ZFHX3: variants seen among roughly 807,000 people sequenced by gnomAD.
The protein encoded by ZFHX3 is zinc finger homeobox 3.
ZFHX3 carries 42 observed loss-of-function variants against 279.1 expected under a neutral mutation model. That is an observed-to-expected ratio of 0.15 (90% confidence interval 0.12 to 0.19). ZFHX3 has a LOEUF of 0.19. Among genes scored for constraint, ZFHX3 ranks in the 10% least tolerant of loss-of-function variants. The probability of loss-of-function intolerance (pLI) is 1.00; values close to 1 mark genes in which losing one functional copy is unlikely to be tolerated. For missense variants in ZFHX3, 4,981 were observed against 4,754.0 expected, an observed-to-expected ratio of 1.05 and a Z score of -1.40; for synonymous variants, 2,293 against 1,957.8, an observed-to-expected ratio of 1.17 and a Z score of -4.52.
intron 2 of ZFHX3, among the ~76,000 whole-genome samples, chr16:73,598,568 T>A (rs1480211146): frequency 2.0e-5 from 3 of 151,570 alleles, no homozygotes; most frequent in African/African-American, 4.9e-5. Context: ...CAAGCACGCA[T>A]CGCCACGCCC....
chr16:73,155,283 A>C (rs1012456272), intron 5 of ZFHX3, among the ~76,000 whole-genome samples: 2 of 152,042 alleles, frequency 1.3e-5, no homozygotes, highest in African/African-American at 4.8e-5. Flanking sequence ...CCAAAATAGC[A>C]CATGCTTAAA....
chr16:73,413,298 C>CA (rs2143467043), intron 3 of ZFHX3, among the ~76,000 whole-genome samples: 1 of 152,252 alleles, frequency 6.6e-6, no homozygotes, highest in South Asian at 2.1e-4. Context: ...TGAGAAAGTT[C>CA]AAAGGAAACT....
Position 72,786,675 on chromosome 16 carries a change from C to T in ZFHX3, c.*489G>A, listed in dbSNP as rs2143253949. 6.6e-6 allele frequency: 1 copy of T among 151,408 alleles called. No homozygotes were observed. The allele number at this position is 151,408 out of a possible 1,614,324, so 9.4% of individuals were successfully genotyped here. On this transcript the variant is annotated 3_prime_UTR_variant, in exon 10 of 10. Transcript: ENST00000268489. Reference sequence around the variant, plus strand: ...AGCGATTGACCTGAGAATAAAAAGACATTACATTTCTTTTTTTCTTTTAGC... The same window carrying T: ...AGCGATTGACCTGAGAATAAAAAGATATTACATTTCTTTTTTTCTTTTAGC...
At chr16:73,285,839 A>G (rs2014582028) in intron 4 of ZFHX3, among the ~76,000 whole-genome samples, 1 of 152,104 alleles carries the variant, frequency 6.6e-6, no homozygotes, top group Non-Finnish European at 1.5e-5. Flanking sequence ...TATTACACAT[A>G]TTTTTACATT....
At chr16:73,848,624 T>G (rs1262564426) in intron 1 of ZFHX3, among the ~76,000 whole-genome samples, 2 of 152,220 alleles carry the variant, frequency 1.3e-5, no homozygotes, top group Admixed American at 6.5e-5. Context: ...TCATATACAT[T>G]AGGAATTTTT....
chr16:73,010,024 G>GAAAAAA (rs10709712), intron 1 of ZFHX3, among the ~76,000 whole-genome samples: 33 of 84,644 alleles, frequency 3.9e-4, no homozygotes, highest in African/African-American at 1.0e-3. Flanking sequence ...CCCTCTCAAA[G>GAAAAAA]AAAAAAAAAA....
chr16:72,796,879 G>A lies in ZFHX3; in HGVS notation c.5803C>T (p.Arg1935Cys), dbSNP rs781579217. 11 of 1,613,712 alleles carry A rather than the reference G, an allele frequency of 6.8e-6. No individual in the cohort carries two copies. Among genetic ancestry groups the A allele is most frequent in the African/African-American group, 1.3e-5 (1 of 74,888 alleles). ...TTCCCTCTGGCATCTGAAGCAATGC[G>A]TGGAGGGAGCATGGAAGGCTCAGAA... ...GGSEPSMLPPRIASDARGNAT... is the reference protein window; with the variant it reads ...GGSEPSMLPPCIASDARGNAT... The change falls in exon 9 of 10, where the codon CGC becomes TGC. Residue 1935 changes from arginine to cysteine, a missense_variant. Physicochemically the swap from Arg to Cys is radical, Grantham distance 180. This residue lies in a region of ZFHX3 where 1,751 missense variants were observed against 1,770.0 expected (regional missense o/e 0.99). Coordinates refer to ENST00000268489, the MANE Select transcript of ZFHX3 (RefSeq NM_006885.4).
intron 1 of ZFHX3, among the ~76,000 whole-genome samples, chr16:73,000,567 A>C (rs1473940896): frequency 6.6e-6 from 1 of 152,182 alleles, no homozygotes; most frequent in Non-Finnish European, 1.5e-5. Flanking sequence ...AAAAAGGGAC[A>C]ACTTCAGGAA....
intron 1 of ZFHX3, among the ~76,000 whole-genome samples, chr16:73,820,861 A>G (rs1006304693): frequency 6.6e-6 from 1 of 151,730 alleles, no homozygotes; most frequent in Non-Finnish European, 1.5e-5. Context: ...CTGGTAGTAG[A>G]ACACATTTGT....
At chr16:73,747,433 C>A (rs1333433540) in intron 1 of ZFHX3, among the ~76,000 whole-genome samples, 1 of 152,102 alleles carries the variant, frequency 6.6e-6, no homozygotes. Context: ...GAACTGCCTA[C>A]CCAGAAACAT....
intron 1 of ZFHX3, among the ~76,000 whole-genome samples, chr16:73,724,950 G>A (rs1208621395): frequency 1.3e-5 from 2 of 152,038 alleles, no homozygotes; most frequent in African/African-American, 4.8e-5. Context: ...AATCACTCAT[G>A]CCATAAAAGT....
intron 1 of ZFHX3, among the ~76,000 whole-genome samples, chr16:73,705,904 C>A (rs916437099): frequency 2.0e-5 from 3 of 152,172 alleles, no homozygotes; most frequent in Non-Finnish European, 4.4e-5. Flanking sequence ...GTTCCTCTGA[C>A]ACTGTAATGG....
intron 3 of ZFHX3, among the ~76,000 whole-genome samples, chr16:73,326,050 T>A (rs1038013094): frequency 1.3e-5 from 2 of 152,050 alleles, no homozygotes; most frequent in Admixed American, 1.3e-4. Flanking sequence ...CATGGAAGTA[T>A]CATGGAGGTT....
intron 3 of ZFHX3, among the ~76,000 whole-genome samples, chr16:73,323,485 G>A (rs924385220): frequency 6.6e-6 from 1 of 152,178 alleles, no homozygotes; most frequent in African/African-American, 2.4e-5. Context: ...AAGAACAAGA[G>A]TGTGGAAGAT....
At chr16:72,864,870 T>C (rs2143919400) in intron 4 of ZFHX3, among the ~76,000 whole-genome samples, 1 of 152,350 alleles carries the variant, frequency 6.6e-6, no homozygotes, top group Non-Finnish European at 1.5e-5. Flanking sequence ...AATGGAAGTG[T>C]TGTTCAATTT....
chr16:73,811,752 C>G (rs1216770018), intron 1 of ZFHX3, among the ~76,000 whole-genome samples: 1 of 152,052 alleles, frequency 6.6e-6, no homozygotes, highest in African/African-American at 2.4e-5. Flanking sequence ...GGCCCCTTCC[C>G]TTTCTAATAG....
rs140452758 is a variant in ZFHX3 at position 73,259,678 on chromosome 16, A to T, written c.-1193-2542T>A. On this transcript the variant is annotated intron_variant, in intron 4 of 17. Transcript: ENST00000641206. ...CATGTATTTTCTTTGAACGTAAAAA[A>T]ATAATTTCAAAATTATAGAAAAGGT... Among the ~76,000 whole-genome samples the T allele has an allele frequency of 3.3e-4, 51 of 152,350 alleles. No individual in the cohort carries two copies. In the East Asian group the frequency reaches 9.2e-3, roughly 28 times the overall value.
intron 3 of ZFHX3, among the ~76,000 whole-genome samples, chr16:73,324,634 C>G (rs1244940959): frequency 9.2e-5 from 14 of 152,180 alleles, no homozygotes; most frequent in Non-Finnish European, 1.9e-4. Flanking sequence ...GTGGCACCAG[C>G]CACTACTTGC....
intron 2 of ZFHX3, among the ~76,000 whole-genome samples, chr16:73,547,866 G>A (rs554516673): frequency 6.6e-6 from 1 of 152,272 alleles, no homozygotes; most frequent in African/African-American, 2.4e-5. Context: ...TGGTTTTCCT[G>A]ATTACTTTGG....
Sources: gnomAD v4.1 joint callset for allele counts (sites outside exome capture counted in the v4.1 genomes callset) on GRCh38, gnomAD v4.1.1 for gene constraint, gnomAD v4.1.1 regional missense constraint, MANE v1.5 for transcripts, NCBI Gene and HGNC (gene_info 2026-07-23, HGNC 2026-07-21) for gene names.